Variants in DNAH17 observed in about 807,000 individuals in gnomAD.
DNAH17 encodes the protein dynein axonemal heavy chain 17.
Under a neutral mutation model 485.6 loss-of-function variants are expected in DNAH17, and 376 were observed. The ratio of observed to expected loss-of-function variants is 0.77; its 90% confidence interval spans 0.71 to 0.84. The LOEUF (loss-of-function observed/expected upper bound fraction) is 0.84. Among genes scored for constraint, DNAH17 ranks in the 40% least tolerant of loss-of-function variants. The pLI, the probability that DNAH17 is intolerant of heterozygous loss-of-function variation, is 0.00. For missense variants in DNAH17, 6,370 were observed against 5,839.3 expected, an observed-to-expected ratio of 1.09 and a Z score of -2.96; for synonymous variants, 3,031 against 2,405.9, an observed-to-expected ratio of 1.26 and a Z score of -7.60.
At chr17:78,518,120 G>A (rs906960008) in intron 25 of DNAH17, among the ~76,000 whole-genome samples, 9 of 152,200 alleles carry the variant, frequency 5.9e-5, no homozygotes, top group African/African-American at 2.2e-4. Context: ...AAAACAAAAT[G>A]GCAGACATAG....
intron 72 of DNAH17, 60 bp from the exon 73 acceptor site, chr17:78,439,277 CTG>C: frequency 6.5e-7 from 1 of 1,528,818 alleles, no homozygotes; most frequent in East Asian, 2.3e-5. Flanking sequence ...GGTTCAGGCT[CTG>C]TGATCTACAG....
chr17:78,479,152 C>G (rs1220975340), intron 50 of DNAH17, 36 bp from the exon 51 acceptor site: 5 of 1,598,174 alleles, frequency 3.1e-6, no homozygotes, highest in East Asian at 4.5e-5. Context: ...TTCTCATGTA[C>G]TCTTGATGGC....
intron 22 of DNAH17, 142 bp downstream of exon 22, chr17:78,529,330 C>A: frequency 1.2e-6 from 1 of 832,056 alleles, no homozygotes; most frequent in Non-Finnish European, 1.9e-6. Context: ...CCTGCACCTC[C>A]CTGTTCCATG....
intron 24 of DNAH17, 145 bp downstream of exon 24, chr17:78,526,506 G>T: frequency 1.6e-6 from 1 of 643,648 alleles, no homozygotes; most frequent in Non-Finnish European, 2.6e-6. Context: ...GTATGTGCAT[G>T]CATACACATA....
intron 55 of DNAH17, among the ~76,000 whole-genome samples, chr17:78,467,640 C>T (rs556967724): frequency 7.9e-5 from 12 of 152,216 alleles, no homozygotes; most frequent in South Asian, 4.1e-4. Flanking sequence ...ATTGGCACCC[C>T]GCAAAGGGCA....
intron 39 of DNAH17, 61 bp downstream of exon 39, chr17:78,494,898 G>C: frequency 6.3e-7 from 1 of 1,579,962 alleles, no homozygotes. Flanking sequence ...AGCCAACCCT[G>C]GCTGCTGCCC....
chr17:78,463,868 G>A (rs2088276016), intron 56 of DNAH17, among the ~76,000 whole-genome samples: 2 of 150,196 alleles, frequency 1.3e-5, no homozygotes, highest in South Asian at 2.1e-4. Context: ...GACATTTCAG[G>A]GTATATATAT....
intron 65 of DNAH17, 59 bp from the exon 66 acceptor site, chr17:78,451,732 C>G (rs1319222957): frequency 5.5e-6 from 8 of 1,443,662 alleles, no homozygotes; most frequent in African/African-American, 1.4e-5. Context: ...GAGAGGAACA[C>G]AAGTACAGAC....
chr17:78,576,928 T>C (rs2143775183), intron 1 of DNAH17, among the ~76,000 whole-genome samples: 1 of 152,248 alleles, frequency 6.6e-6, no homozygotes, highest in South Asian at 2.1e-4. Context: ...AATAGGGTTG[T>C]CCCAGGCCAT....
At position 78,495,919 on chromosome 17, in the gene DNAH17, G is replaced by T. The variant is rs750617798; in HGVS notation, c.5859C>A (p.Tyr1953Ter). The T allele has an allele frequency of 1.9e-6, 3 of 1,613,890 alleles. No individual in the cohort carries two copies. Among genetic ancestry groups the T allele is most frequent in the Non-Finnish European group, 2.5e-6 (3 of 1,179,836 alleles). ...VGIFITMNPG[Y>*]AGRAELPENL... ...TCTCAGGCAGCTCCGCGCGTCCGGC[G>T]TACCCAGGGTTCATGGTGATGAAGA... Residue 1953 changes from tyrosine to a stop codon, truncating the protein, a stop_gained, in exon 38 of 81, where the codon TAC (tyrosine) becomes TAA (stop). Coordinates refer to ENST00000389840, the MANE Select transcript of DNAH17 (RefSeq NM_173628.4). LOFTEE classifies it high-confidence loss of function.
intron 42 of DNAH17, 48 bp from the exon 43 acceptor site, chr17:78,491,618 T>C: frequency 2.5e-6 from 4 of 1,592,246 alleles, no homozygotes; most frequent in Admixed American, 1.7e-5. Flanking sequence ...TCCGGCCCCA[T>C]TCCAGTCCCC....
chr17:78,426,900 C>T (rs763631400), intron 78 of DNAH17, 26 bp downstream of exon 78: 1 of 1,580,664 alleles, frequency 6.3e-7, no homozygotes, highest in Non-Finnish European at 8.6e-7. Flanking sequence ...AGCCACGTCC[C>T]TGGGGCCGGG....
chr17:78,425,140 A>AC, intron 80 of DNAH17: 1 of 575,292 alleles, frequency 1.7e-6, no homozygotes, highest in Non-Finnish European at 3.1e-6. Context: ...TCTCCTCCAG[A>AC]CCCTGCACAT....
rs920364725 is a variant in DNAH17 at position 78,451,477 on chromosome 17, G to T, written c.10726C>A (p.Gln3576Lys). ...VVAKERPDLE[Q>K]LKANLTKSQN... ...AAACTTCAGGCCATTACCTTCAGCTGTTCCAGATCTGGGCGCTCTTTGGCC... is the reference window on the plus strand; with the variant it reads ...AAACTTCAGGCCATTACCTTCAGCTTTTCCAGATCTGGGCGCTCTTTGGCC... The change falls in exon 66 of 81, where the codon CAG becomes AAG. Residue 3576 changes from glutamine to lysine, a missense_variant. Physicochemically the swap from Gln to Lys is moderately conservative, Grantham distance 53. Coordinates refer to ENST00000389840, the MANE Select transcript of DNAH17 (RefSeq NM_173628.4). 1.2e-6 allele frequency: 2 copies of T among 1,610,200 alleles called. No homozygotes were observed. Among genetic ancestry groups the T allele is most frequent in the African/African-American group, 2.7e-5 (2 of 74,784 alleles).
At chr17:78,569,985 T>C (rs1356698126) in intron 7 of DNAH17, among the ~76,000 whole-genome samples, 2 of 152,112 alleles carry the variant, frequency 1.3e-5, no homozygotes, top group African/African-American at 4.8e-5. Flanking sequence ...ACTAGATGGG[T>C]CTCGGGGTAC....
intron 25 of DNAH17, among the ~76,000 whole-genome samples, chr17:78,522,009 C>G (rs892565079): frequency 2.0e-5 from 3 of 152,142 alleles, no homozygotes; most frequent in African/African-American, 7.2e-5. Context: ...TACTAAAACT[C>G]TTGCTCAGCG....
intron 38 of DNAH17, among the ~76,000 whole-genome samples, chr17:78,495,334 C>T (rs1360239820): frequency 6.6e-6 from 1 of 152,198 alleles, no homozygotes; most frequent in Non-Finnish European, 1.5e-5. Context: ...CACCCCAACC[C>T]CCCAACCCTG....
chr17:78,452,952 T>G lies in DNAH17; in HGVS notation c.10529+391A>C, dbSNP rs80195446. ...AAATGTGCAACTGGACAGATGTGTT[T>G]GTACAACATCGTGAGTGTACCAAAT... is the stretch of plus-strand genomic sequence containing the variant. On this transcript the variant is annotated intron_variant, in intron 65 of 80. Coordinates refer to ENST00000389840, the MANE Select transcript of DNAH17 (RefSeq NM_173628.4). Among the ~76,000 whole-genome samples, 1,466 of 138,980 alleles carry G rather than the reference T, an allele frequency of 0.011. 46 individuals carry two copies. In the South Asian group the frequency reaches 0.11, roughly 10 times the overall value. 91.2% of individuals were successfully genotyped at this position (138,980 alleles called of 152,430 possible).
At chr17:78,432,770 G>A (rs2086720711) in intron 75 of DNAH17, among the ~76,000 whole-genome samples, 2 of 152,272 alleles carry the variant, frequency 1.3e-5, no homozygotes, top group South Asian at 2.1e-4. Context: ...TCCTGAGACT[G>A]GCATTGCCAG....
Sources: allele counts gnomAD v4.1 joint callset (sites outside exome capture counted in the v4.1 genomes callset), GRCh38; gene constraint gnomAD v4.1.1; transcripts MANE v1.5; gene names NCBI Gene and HGNC (gene_info 2026-07-23, HGNC 2026-07-21).